VRK1: variants seen among roughly 807,000 people sequenced by gnomAD.
The protein encoded by VRK1 is VRK serine/threonine kinase 1, also known as serine/threonine-protein kinase VRK1.
Under a neutral mutation model 57.1 loss-of-function variants are expected in VRK1, and 33 were observed. That is an observed-to-expected ratio of 0.58 (90% CI 0.44 to 0.77). The LOEUF is 0.77. Among genes scored for constraint, VRK1 ranks in the 30% least tolerant of loss-of-function variants. VRK1 has a pLI of 0.00. For synonymous variants in VRK1, 137 were observed against 147.8 expected (o/e 0.93, Z 0.53); for missense variants, 413 against 477.3 (o/e 0.87, Z 1.25).
At chr14:96,842,892 A>T (rs1887522104) in intron 3 of VRK1, among the ~76,000 whole-genome samples, 1 of 152,188 alleles carries the variant, frequency 6.6e-6, no homozygotes, top group Non-Finnish European at 1.5e-5. Flanking sequence ...GTGTGCAGGT[A>T]CCCTCTGCTG....
chr14:96,873,727 C>T (rs923808157), intron 11 of VRK1, among the ~76,000 whole-genome samples: 3 of 152,180 alleles, frequency 2.0e-5, no homozygotes, highest in African/African-American at 7.2e-5. Flanking sequence ...GAGCAGATTG[C>T]TTAGAATTTT....
rs145911601 is a variant in VRK1, at chr14:96,852,915, T to G, written c.459T>G (p.Thr153=). 1.2e-6 allele frequency: 2 copies of G among 1,613,872 alleles called. No homozygotes were observed. Among genetic ancestry groups the G allele is most frequent in the Non-Finnish European group, 1.7e-6 (2 of 1,179,832 alleles). Reference sequence around the variant, plus strand: ...ATGCCAAAAGGTTTTCTCGGAAAACTGTCTTGCAGCTAAGCTTAAGAATTG... The same window carrying G: ...ATGCCAAAAGGTTTTCTCGGAAAACGGTCTTGCAGCTAAGCTTAAGAATTG... ...EANAKRFSRK[T]VLQLSLRILD... The change falls in exon 6 of 13, where the codon ACT becomes ACG. Residue 153 remains threonine (T), a synonymous_variant. Transcript: ENST00000216639.
chr14:96,811,549 T>A (rs1039777943), intron 1 of VRK1, among the ~76,000 whole-genome samples: 5 of 152,200 alleles, frequency 3.3e-5, no homozygotes, highest in African/African-American at 1.2e-4. Flanking sequence ...TCCAAATTAC[T>A]GTATAATATG....
At chr14:96,867,075 T>A (rs554972327) in intron 11 of VRK1, among the ~76,000 whole-genome samples, 27 of 152,290 alleles carry the variant, frequency 1.8e-4, no homozygotes, top group African/African-American at 6.3e-4. Flanking sequence ...AATTTTTAGT[T>A]CTAGTTTTTT....
At chr14:96,816,830 G>T (rs1886412556) in intron 1 of VRK1, among the ~76,000 whole-genome samples, 1 of 152,164 alleles carries the variant, frequency 6.6e-6, no homozygotes, top group Non-Finnish European at 1.5e-5. Context: ...CATCAGCCAC[G>T]TGCATTGACT....
intron 1 of VRK1, among the ~76,000 whole-genome samples, chr14:96,831,267 G>C (rs1886993719): frequency 6.6e-6 from 1 of 152,188 alleles, no homozygotes; most frequent in Non-Finnish European, 1.5e-5. Flanking sequence ...AAGGGATACT[G>C]TCCCTCCGTT....
intron 12 of VRK1, among the ~76,000 whole-genome samples, chr14:96,878,215 A>G (rs1265243127): frequency 6.6e-6 from 1 of 152,242 alleles, no homozygotes; most frequent in Non-Finnish European, 1.5e-5. Flanking sequence ...CTTCCAGCAA[A>G]AAGAAAAAGC....
At chr14:96,859,398 A>G (rs2145633) in intron 10 of VRK1, among the ~76,000 whole-genome samples, 9,706 of 152,230 alleles carry the variant, frequency 0.064, 349 homozygotes, top group South Asian at 0.11. Context: ...AAAAGTACAC[A>G]TAACTATTCT....
At position 96,844,431 on chromosome 14, in the gene VRK1, C is replaced by T. The variant is rs560280963; in HGVS notation, c.217-1664C>T. ...ATACTTACCTGTAACAAATAAGGCACGCTTGTTTTCAGGTTGTGATCCAAG... is the reference window on the plus strand; with the variant it reads ...ATACTTACCTGTAACAAATAAGGCATGCTTGTTTTCAGGTTGTGATCCAAG... On this transcript the variant is annotated intron_variant, in intron 3 of 12. Transcript: ENST00000216639. Among the ~76,000 whole-genome samples the T allele has an allele frequency of 1.1e-4, 16 of 152,310 alleles. 1 individual carries two copies. The South Asian group carries it at 3.3e-3, about 32-fold the overall frequency.
chr14:96,853,285 T>C (rs2139796877), intron 7 of VRK1, 119 bp downstream of exon 7: 2 of 831,728 alleles, frequency 2.4e-6, no homozygotes, highest in East Asian at 2.6e-5. Context: ...ATGGTAATAA[T>C]ATTTCTTCTT....
intron 11 of VRK1, among the ~76,000 whole-genome samples, chr14:96,865,649 A>G (rs1888557318): frequency 6.6e-6 from 1 of 152,080 alleles, no homozygotes; most frequent in Non-Finnish European, 1.5e-5. Flanking sequence ...GTAGGCCCCT[A>G]TAGTTACTTA....
intron 5 of VRK1, among the ~76,000 whole-genome samples, chr14:96,847,920 C>A (rs1887779821): frequency 1.3e-5 from 2 of 152,152 alleles, no homozygotes; most frequent in Non-Finnish European, 2.9e-5. Flanking sequence ...AGAATGAATT[C>A]TTTGGGATAG....
rs182052205 is a variant in VRK1, at chr14:96,866,535, A to G, written c.1068+5800A>G. ...AGTTCCCTGTTTACTGTTGAGGATA[A>G]TTAGTGATTTTGATTATTCTGCCGT... On this transcript the variant is annotated intron_variant, in intron 11 of 12. Coordinates refer to ENST00000216639, the MANE Select transcript of VRK1 (RefSeq NM_003384.3). Among the ~76,000 whole-genome samples the G allele has an allele frequency of 5.3e-3, 804 of 152,230 alleles. 8 individuals are homozygous for G. Among genetic ancestry groups the G allele is most frequent in the African/African-American group, 0.018 (754 of 41,518 alleles).
Position 96,847,445 on chromosome 14 carries a change from A to G in VRK1, c.374+101A>G, listed in dbSNP as rs1321072906. The G allele has an allele frequency of 8.8e-6, 8 of 904,052 alleles. No individual in the cohort carries two copies. In the Admixed American group the frequency reaches 1.5e-4, roughly 17 times the overall value. The allele number at this position is 904,052 out of a possible 1,614,324, so 56.0% of individuals were successfully genotyped here. On this transcript the variant is annotated intron_variant, in intron 5 of 12. Coordinates refer to ENST00000216639, the MANE Select transcript of VRK1 (RefSeq NM_003384.3). ...TTTACTGATCACTTACAATATTACT[A>G]GGCCTCCCTCTGGAGTATGTGGAGT...
rs567741485 is a variant in VRK1, at chr14:96,815,195, TAA to T, written c.-6+17749_-6+17750del. On this transcript the variant is annotated intron_variant, in intron 1 of 12. Transcript: ENST00000216639. ...AAAAAATGTCATTTTAATTGTAAATTAAGTCTCATTGTAATTTTAATTTGCAT... is the reference window on the plus strand; with the variant it reads ...AAAAAATGTCATTTTAATTGTAAATTGTCTCATTGTAATTTTAATTTGCAT... Among the ~76,000 whole-genome samples, 434 of 152,358 alleles carry T rather than the reference TAA, an allele frequency of 2.8e-3. 2 individuals are homozygous for T. The highest frequency in any genetic ancestry group is 9.0e-3 in the African/African-American group (376 of 41,582).
chr14:96,879,368 G>A (rs888864660), intron 12 of VRK1, among the ~76,000 whole-genome samples: 1 of 152,120 alleles, frequency 6.6e-6, no homozygotes, highest in East Asian at 1.9e-4. Context: ...CCTTTTAGTT[G>A]CAGTGAGAAA....
chr14:96,808,014 C>CGTCTCTCT (rs1885962752), intron 1 of VRK1, among the ~76,000 whole-genome samples: 2 of 73,956 alleles, frequency 2.7e-5, no homozygotes, highest in African/African-American at 1.2e-4. Flanking sequence ...TCTCTCTCTC[C>CGTCTCTCT]CTCTGTGTGT....
chr14:96,874,293 G>T (rs1484791057), intron 11 of VRK1, among the ~76,000 whole-genome samples: 1 of 152,116 alleles, frequency 6.6e-6, no homozygotes, highest in African/African-American at 2.4e-5. Context: ...CGTTAATCAG[G>T]CCTGTGCACC....
rs768944518 is a variant in VRK1, at chr14:96,846,115, T to G, written c.237T>G (p.Pro79=). 2 of 1,613,442 alleles carry G rather than the reference T, an allele frequency of 1.2e-6. No individual in the cohort carries two copies. The highest frequency in any genetic ancestry group is 2.2e-5 in the South Asian group (2 of 91,074). ...TTAAGGAACCCAGTGACAATGGACC[T>G]CTTTTTACTGAATTAAAGTTCTACC... is the stretch of plus-strand genomic sequence containing the variant. The part of the protein sequence containing the change: ...VVKVEPSDNG[P]LFTELKFYQR... Residue 79 remains proline (P), a synonymous_variant, in exon 4 of 13, where the codon CCT becomes CCG. Coordinates refer to ENST00000216639, the MANE Select transcript of VRK1 (RefSeq NM_003384.3).
Sources: gnomAD v4.1 joint callset for allele counts (sites outside exome capture counted in the v4.1 genomes callset) on GRCh38, gnomAD v4.1.1 for gene constraint, MANE v1.5 for transcripts, NCBI Gene and HGNC (gene_info 2026-07-23, HGNC 2026-07-21) for gene names.